MLXIP: variants seen among roughly 807,000 people sequenced by gnomAD.
MLXIP encodes the protein MLX-interacting protein.
A neutral mutation model predicts 87.2 loss-of-function variants in MLXIP; 30 were observed. The observed-to-expected ratio is 0.34, with a 90% confidence interval of 0.26 to 0.47. The LOEUF (loss-of-function observed/expected upper bound fraction) is 0.47, where lower values mean the gene tolerates loss of function less well. MLXIP is among the 20% of genes least tolerant of loss of function. The pLI is 1.00. For missense variants in MLXIP, 1,002 were observed against 1,240.1 expected, an observed-to-expected ratio of 0.81 and a Z score of 2.88; for synonymous variants, 530 against 514.0, an observed-to-expected ratio of 1.03 and a Z score of -0.42.
At chr12:122,113,850 A>G (rs1469902651) in intron 1 of MLXIP, among the ~76,000 whole-genome samples, 1 of 151,546 alleles carries the variant, frequency 6.6e-6, no homozygotes, top group Non-Finnish European at 1.5e-5. Context: ...ATGCCTGGCT[A>G]ACTTTTTTGT....
intron 1 of MLXIP, among the ~76,000 whole-genome samples, chr12:122,086,828 G>A (rs927892861): frequency 6.6e-6 from 1 of 152,122 alleles, no homozygotes; most frequent in African/African-American, 2.4e-5. Context: ...GTCCCCCGCG[G>A]GGGAGATGCT....
intron 1 of MLXIP, among the ~76,000 whole-genome samples, chr12:122,114,595 T>C (rs541355935): frequency 5.9e-4 from 90 of 152,268 alleles, no homozygotes; most frequent in African/African-American, 2.1e-3. Context: ...GTAAGTCAGA[T>C]TGGTAACTGT....
chr12:122,145,558 G>A lies in MLXIP; in HGVS notation c.*3746G>A, dbSNP rs1953286807. The A allele has an allele frequency of 6.6e-6, 1 of 152,356 alleles. No homozygotes were observed. Among genetic ancestry groups the A allele is most frequent in the African/African-American group, 2.4e-5 (1 of 41,460 alleles). The allele number at this position is 152,356 out of a possible 1,614,324, so 9.4% of individuals were successfully genotyped here. ...TGGCCCTGCCGGCAGCTGGGGTGCA[G>A]GTAAGGGTCTCTCTCATAGAGGGGA... is the stretch of plus-strand genomic sequence containing the variant. On this transcript the variant is annotated 3_prime_UTR_variant, in exon 17 of 17. Transcript: ENST00000319080.
chr12:122,093,891 ATG>A (rs1198698911), intron 1 of MLXIP, among the ~76,000 whole-genome samples: 1 of 68,658 alleles, frequency 1.5e-5, no homozygotes, highest in East Asian at 5.6e-4. Flanking sequence ...GTGTGTTGGC[ATG>A]TGTGTGTGGT....
intron 1 of MLXIP, among the ~76,000 whole-genome samples, chr12:122,106,595 C>CT (rs1162475087): frequency 0.17 from 10,712 of 62,956 alleles, 1,360 homozygotes; most frequent in Non-Finnish European, 0.24. Context: ...ATCGCAGGTT[C>CT]TTTTTTTTTT....
At chr12:122,134,677 C>CT (rs141853208) in intron 9 of MLXIP, 40,695 of 132,076 alleles carry the variant, frequency 0.31, 6,064 homozygotes, top group Admixed American at 0.37. Flanking sequence ...TCTCTATTCT[C>CT]TTTTTTTTTT....
intron 15 of MLXIP, 145 bp from the exon 16 acceptor site, chr12:122,140,809 T>G (rs781156532): frequency 7.9e-7 from 1 of 1,266,338 alleles, no homozygotes; most frequent in Non-Finnish European, 1.1e-6. Context: ...CCTAGAGATC[T>G]CTCCCTCTTT....
rs768924728 is a variant in MLXIP at position 122,133,688 on chromosome 12, A to G, written c.1433A>G (p.Asn478Ser). Residue 478 changes from asparagine to serine, a missense_variant, in exon 9 of 17, where the codon AAC becomes AGC. Transcript: ENST00000319080. The surrounding 1 kb of genome is among the most constrained non-coding windows in gnomAD (Gnocchi z 4.9). ...CAGCCACAGAAGTTTGCTGGAGTCA[A>G]CAAAGCGCCGTCTGTCATCACCCAC... is the stretch of plus-strand genomic sequence containing the variant. ...FHQPQKFAGV[N>S]KAPSVITHTA... is the part of the protein sequence containing the mutation. 9.3e-6 allele frequency: 15 copies of G among 1,613,564 alleles called. No homozygotes were observed. Among genetic ancestry groups the G allele is most frequent in the Admixed American group, 1.7e-5 (1 of 59,978 alleles).
intron 1 of MLXIP, among the ~76,000 whole-genome samples, chr12:122,087,966 A>C (rs922403678): frequency 1.3e-5 from 2 of 152,244 alleles, no homozygotes; most frequent in Admixed American, 1.3e-4. Context: ...GAAATGAAGA[A>C]GGCTGGGCAA....
At chr12:122,094,001 TGTG>T (rs1202717001) in intron 1 of MLXIP, among the ~76,000 whole-genome samples, 3,590 of 137,720 alleles carry the variant, frequency 0.026, 184 homozygotes, top group African/African-American at 0.095. Context: ...CGGTGTCTGG[TGTG>T]GTGTGTGTGC....
intron 1 of MLXIP, among the ~76,000 whole-genome samples, chr12:122,099,258 ACCAAAACAAAACC>A (rs1203675074): frequency 1.3e-5 from 2 of 152,010 alleles, no homozygotes; most frequent in African/African-American, 2.4e-5. Context: ...ACCAAAACAA[ACCAAAACAAAACC>A]CCAAAACAAA....
intron 1 of MLXIP, among the ~76,000 whole-genome samples, chr12:122,114,712 T>G (rs28649184): frequency 0.5 from 75,545 of 149,742 alleles, 19,633 homozygotes; most frequent in Middle Eastern, 0.64. Context: ...GGCAAAGGCT[T>G]GACCTCTCTT....
chr12:122,142,154 GA>G lies in MLXIP; in HGVS notation c.*344del. 1 of 701,452 alleles carries G rather than the reference GA, an allele frequency of 1.4e-6. No homozygotes were observed. 43.5% of individuals were successfully genotyped at this position (701,452 alleles called of 1,614,324 possible). A position where few individuals can be genotyped will look rare whatever the true frequency, so the allele number is the denominator to read the frequency against. On this transcript the variant is annotated 3_prime_UTR_variant, in exon 17 of 17. Coordinates refer to ENST00000319080, the MANE Select transcript of MLXIP (RefSeq NM_014938.6). ...CTGCCGGGCCTGGCGCCGGTGAGCG[GA>G]ATCGATGGGATGAGGGTGACAGGGC... is the stretch of plus-strand genomic sequence containing the variant.
Position 122,142,028 on chromosome 12 carries a change from ACT to A in MLXIP, c.*222_*223del, listed in dbSNP as rs1012981486. On this transcript the variant is annotated 3_prime_UTR_variant, in exon 17 of 17. Coordinates refer to ENST00000319080, the MANE Select transcript of MLXIP (RefSeq NM_014938.6). ...CGCCTTTGGGAACCCCTTGCTGTGA[ACT>A]CTCTCACTCAGTGACCTCAGTCACC... The A allele has an allele frequency of 1.4e-5, 10 of 691,158 alleles. No homozygotes were observed. The highest frequency in any genetic ancestry group is 4.0e-4 in the Middle Eastern group (1 of 2,528). The allele number at this position is 691,158 out of a possible 1,614,324, so 42.8% of individuals were successfully genotyped here. A position where few individuals can be genotyped will look rare whatever the true frequency, so the allele number is the denominator to read the frequency against.
chr12:122,132,260 G>A, intron 7 of MLXIP, 32 bp from the exon 8 acceptor site: 2 of 1,536,412 alleles, frequency 1.3e-6, no homozygotes, highest in Non-Finnish European at 1.8e-6. Flanking sequence ...TGGGCACACT[G>A]AGCTCAGAAG....
intron 15 of MLXIP, 100 bp downstream of exon 15, chr12:122,139,038 C>T: frequency 6.6e-7 from 1 of 1,520,112 alleles, no homozygotes; most frequent in Non-Finnish European, 8.9e-7. Flanking sequence ...TCTTTAAATG[C>T]CTGTCACCAA....
intron 1 of MLXIP, among the ~76,000 whole-genome samples, chr12:122,088,053 GC>G (rs1313938698): frequency 1.3e-5 from 2 of 152,202 alleles, no homozygotes; most frequent in Non-Finnish European, 2.9e-5. Context: ...CCTGGGGGCT[GC>G]CCTGACAGCC....
chr12:122,086,776 C>T (rs999704339), intron 1 of MLXIP, among the ~76,000 whole-genome samples: 24 of 152,074 alleles, frequency 1.6e-4, no homozygotes, highest in African/African-American at 5.1e-4. Flanking sequence ...GAGGACTGGC[C>T]GATTTCAGTG....
chr12:122,140,731 C>G lies in MLXIP; in HGVS notation c.2509-223C>G. On this transcript the variant is annotated intron_variant, in intron 15 of 16. Transcript: ENST00000319080. ...GTCCCTGTCCCCTGCCTGCTCGGTGCTTGAGCGGCCCTGTTGTCCAGGTAC... is the reference window on the plus strand; with the variant it reads ...GTCCCTGTCCCCTGCCTGCTCGGTGGTTGAGCGGCCCTGTTGTCCAGGTAC... The G allele has an allele frequency of 4.5e-6, 3 of 672,076 alleles. No homozygotes were observed. In the Admixed American group the frequency reaches 6.5e-5, roughly 14 times the overall value. The allele number at this position is 672,076 out of a possible 1,614,324, so 41.6% of individuals were successfully genotyped here. A position where few individuals can be genotyped will look rare whatever the true frequency, so the allele number is the denominator to read the frequency against.
Sources: allele counts gnomAD v4.1 joint callset (sites outside exome capture counted in the v4.1 genomes callset), GRCh38; gene constraint gnomAD v4.1.1; non-coding constraint Gnocchi (gnomAD v3.1); transcripts MANE v1.5; gene names NCBI Gene and HGNC (gene_info 2026-07-23, HGNC 2026-07-21).